The following C6 variants were observed in gnomAD, a reference collection of about 807,000 sequenced individuals.
C6 encodes complement C6.
A neutral mutation model predicts 112.9 loss-of-function variants in C6; 101 were observed. The observed-to-expected ratio is 0.89, with a 90% CI of 0.76 to 1.06. C6 has a LOEUF of 1.06. Among genes scored for constraint, C6 ranks in the 50% least tolerant of loss-of-function variants. The pLI is 0.00. For synonymous variants in C6, 431 were observed against 384.1 expected, an observed-to-expected ratio of 1.12 and a Z score of -1.43; for missense variants, 1,202 against 1,104.6, an observed-to-expected ratio of 1.09 and a Z score of -1.25.
intron 5 of C6, among the ~76,000 whole-genome samples, chr5:41,189,404 C>G (rs1750027222): frequency 6.6e-6 from 1 of 151,902 alleles, no homozygotes; most frequent in African/African-American, 2.4e-5. Context: ...TGAATCAACA[C>G]AATGTGATAG....
At chr5:41,242,765 T>A (rs763145373) in intron 1 of C6, among the ~76,000 whole-genome samples, 3 of 151,974 alleles carry the variant, frequency 2.0e-5, no homozygotes, top group Non-Finnish European at 4.4e-5. Context: ...CGTCAACAGA[T>A]GAATGGATTA....
At chr5:41,230,763 C>T (rs145064589) in intron 1 of C6, among the ~76,000 whole-genome samples, 76 of 152,270 alleles carry the variant, frequency 5.0e-4, no homozygotes, top group African/African-American at 1.8e-3. Context: ...GTCGTCATCA[C>T]AGTCCTACCA....
At chr5:41,182,458 TG>T (rs1270773806) in intron 6 of C6, among the ~76,000 whole-genome samples, 1 of 152,180 alleles carries the variant, frequency 6.6e-6, no homozygotes, top group Non-Finnish European at 1.5e-5. Flanking sequence ...CTGAGTCTGG[TG>T]TCTGTATTCC....
In C6 at chr5:41,153,945, G is replaced by T; in HGVS notation, c.2155C>A (p.Gln719Lys). The T allele has an allele frequency of 6.2e-7, 1 of 1,613,810 alleles. No individual in the cohort carries two copies. The highest frequency in any genetic ancestry group is 8.5e-7 in the Non-Finnish European group (1 of 1,179,804). ...VQEVLTITPF[Q>K]RLYRIGESIE... ...GATTCACCAATTCTATACAATCTCTGAAATGGTGTAATTGTCAGGACTTCC... is the reference window on the plus strand; with the variant it reads ...GATTCACCAATTCTATACAATCTCTTAAATGGTGTAATTGTCAGGACTTCC... The change falls in exon 15 of 18, where the codon CAG (glutamine) becomes AAG (lysine). Residue 719 changes from glutamine (Q) to lysine (K), a missense_variant. Transcript: ENST00000337836.
At chr5:41,179,989 A>T (rs577173659) in intron 7 of C6, among the ~76,000 whole-genome samples, 1 of 152,216 alleles carries the variant, frequency 6.6e-6, no homozygotes, top group Non-Finnish European at 1.5e-5. Flanking sequence ...TAGGTATTTG[A>T]TAAATGTTCG....
At chr5:41,146,088 C>T (rs1040265791) in intron 17 of C6, among the ~76,000 whole-genome samples, 1 of 152,116 alleles carries the variant, frequency 6.6e-6, no homozygotes, top group South Asian at 2.1e-4. Context: ...TAATGTTACT[C>T]CTCCAAAAAT....
chr5:41,261,296 G>T, exon 1 of C6: 2 of 641,054 alleles, frequency 3.1e-6, no homozygotes, highest in Non-Finnish European at 3.9e-6. Flanking sequence ...CTCTCAGCAG[G>T]AATCTTACTA....
chr5:41,201,156 G>T (rs544538027), intron 3 of C6, among the ~76,000 whole-genome samples: 9 of 151,992 alleles, frequency 5.9e-5, no homozygotes, highest in African/African-American at 2.2e-4. Context: ...CCATCCCCAA[G>T]CTACTACGTT....
chr5:41,201,637 T>C lies in C6; in HGVS notation c.221A>G (p.Asn74Ser). 1.2e-6 allele frequency: 2 copies of C among 1,613,680 alleles called. No individual in the cohort carries two copies. Among genetic ancestry groups the C allele is most frequent in the Non-Finnish European group, 1.7e-6 (2 of 1,179,862 alleles). Residue 74 changes from asparagine to serine, a missense_variant, in exon 3 of 18, where the codon AAC (asparagine) becomes AGC (serine). Physicochemically the swap from Asn to Ser is conservative, Grantham distance 46. Transcript: ENST00000337836. ...GCAGTTGATGGGGCATCTTTGCCAG[T>C]TACATTCTCTAGTCTCCTGCTTGCT... Reference protein sequence around the residue: ...ICSKQETRECNWQRCPINCLL... With the variant: ...ICSKQETRECSWQRCPINCLL...
intron 10 of C6, 58 bp downstream of exon 10, chr5:41,161,635 A>C: frequency 7.3e-7 from 1 of 1,367,854 alleles, no homozygotes; most frequent in Non-Finnish European, 1.0e-6. Context: ...GTGATGTGCA[A>C]TTTGGGCTGC....
At chr5:41,255,774 A>G (rs1741655406) in intron 1 of C6, among the ~76,000 whole-genome samples, 1 of 152,248 alleles carries the variant, frequency 6.6e-6, no homozygotes, top group Admixed American at 6.5e-5. Context: ...AGGGAATATG[A>G]GTGGCCAGCT....
chr5:41,218,600 C>A (rs1358132697), intron 1 of C6, among the ~76,000 whole-genome samples: 4 of 152,062 alleles, frequency 2.6e-5, no homozygotes, highest in East Asian at 1.9e-4. Context: ...CCAGCCCGAT[C>A]TCACAAAATT....
chr5:41,233,444 T>C (rs66954599), intron 1 of C6, among the ~76,000 whole-genome samples: 26,570 of 152,078 alleles, frequency 0.17, 2,812 homozygotes, highest in South Asian at 0.35. Context: ...AAGGAAGGCA[T>C]AATTCTTTTT....
Position 41,186,964 on chromosome 5 carries a change from A to T in C6, c.588-756T>A, listed in dbSNP as rs181310628. Among the ~76,000 whole-genome samples the T allele has an allele frequency of 2.6e-5, 4 of 152,264 alleles. No individual in the cohort carries two copies. The East Asian group carries it at 7.7e-4, about 29-fold the overall frequency. On this transcript the variant is annotated intron_variant, in intron 5 of 17. Transcript: ENST00000337836. ...CTAATGCTTTTCCAAATTCTAAGAG[A>T]TATTAATATGTATTCTGTGAAAAAA...
chr5:41,200,830 C>T (rs1366110138), intron 3 of C6, among the ~76,000 whole-genome samples: 1 of 146,796 alleles, frequency 6.8e-6, no homozygotes, highest in East Asian at 2.0e-4. Context: ...TCATTTCCCT[C>T]ATTTCTGTCT....
At chr5:41,211,125 A>G (rs1405117050) in intron 1 of C6, among the ~76,000 whole-genome samples, 1 of 152,248 alleles carries the variant, frequency 6.6e-6, no homozygotes, top group East Asian at 1.9e-4. Context: ...TTTTGAGCAA[A>G]CTATCACAAG....
intron 1 of C6, among the ~76,000 whole-genome samples, chr5:41,257,251 C>G (rs1319777153): frequency 6.6e-6 from 1 of 152,096 alleles, no homozygotes; most frequent in Non-Finnish European, 1.5e-5. Context: ...TTAGCTCCCA[C>G]TTATAAATCA....
chr5:41,213,523 C>T lies in C6; in HGVS notation c.-168G>A. ...TAACACAAGGCAATGCTGTCATATCCCAGAAGCCTAGCAACACCTAGAGGG... is the reference window on the plus strand; with the variant it reads ...TAACACAAGGCAATGCTGTCATATCTCAGAAGCCTAGCAACACCTAGAGGG... On this transcript the variant is annotated 5_prime_UTR_variant, in exon 1 of 18. Transcript: ENST00000337836. 1 of 985,266 alleles carries T rather than the reference C, an allele frequency of 1.0e-6. No homozygotes were observed. The highest frequency in any genetic ancestry group is 1.2e-6 in the Non-Finnish European group (1 of 829,876). 61.0% of individuals were successfully genotyped at this position (985,266 alleles called of 1,614,324 possible).
chr5:41,209,043 C>T (rs919595401), intron 1 of C6, among the ~76,000 whole-genome samples: 1 of 152,162 alleles, frequency 6.6e-6, no homozygotes, highest in Non-Finnish European at 1.5e-5. Context: ...TGGCTTCACC[C>T]CTGGGATGCA....
Sources: allele counts gnomAD v4.1 joint callset (sites outside exome capture counted in the v4.1 genomes callset), GRCh38; gene constraint gnomAD v4.1.1; transcripts MANE v1.5; gene names NCBI Gene and HGNC (gene_info 2026-07-23, HGNC 2026-07-21).